NSF: variants seen among roughly 807,000 people sequenced by gnomAD.
NSF encodes vesicle-fusing ATPase.
In NSF, 14 loss-of-function variants were observed where a neutral mutation model predicts 50.3. The ratio of observed to expected loss-of-function variants is 0.28; its 90% CI spans 0.18 to 0.44. The LOEUF (loss-of-function observed/expected upper bound fraction) is 0.44. Ranked by LOEUF, NSF falls within the 20% of genes least tolerant of loss-of-function variation. The pLI is 1.00. For synonymous variants in NSF, 109 were observed against 175.7 expected, an observed-to-expected ratio of 0.62 and a Z score of 3.00; for missense variants, 218 against 504.3, an observed-to-expected ratio of 0.43 and a Z score of 5.44.
At chr17:46,727,867 A>G (rs2058907121) in intron 16 of NSF, among the ~76,000 whole-genome samples, 1 of 152,236 alleles carries the variant, frequency 6.6e-6, no homozygotes, top group South Asian at 2.1e-4. Flanking sequence ...TTCAATAAGC[A>G]CTTGCTGAGC....
At chr17:46,661,383 T>TATG (rs1440450747) in intron 8 of NSF, among the ~76,000 whole-genome samples, 2 of 94,468 alleles carry the variant, frequency 2.1e-5, no homozygotes, top group Non-Finnish European at 3.6e-5. Context: ...TTCTTTTTAT[T>TATG]ATTATTATTA....
chr17:46,720,517 C>T (rs1402138193), intron 15 of NSF, among the ~76,000 whole-genome samples: 3 of 152,158 alleles, frequency 2.0e-5, no homozygotes, highest in African/African-American at 7.2e-5. Context: ...AGGTCCACTT[C>T]CTGAGGCAGT....
At chr17:46,655,971 C>T (rs1474542715) in intron 8 of NSF, among the ~76,000 whole-genome samples, 1 of 79,162 alleles carries the variant, frequency 1.3e-5, no homozygotes, top group African/African-American at 6.2e-5. Flanking sequence ...CATAAAATAA[C>T]TTGAAGAAAA....
chr17:46,708,885 C>T (rs1473738364), intron 13 of NSF, among the ~76,000 whole-genome samples: 24 of 136,190 alleles, frequency 1.8e-4, no homozygotes, highest in African/African-American at 5.4e-4. Flanking sequence ...AGTGCAGTGG[C>T]GCAATTTTGG....
At chr17:46,752,753 G>A (rs2146343772) in intron 19 of NSF, among the ~76,000 whole-genome samples, 1 of 152,130 alleles carries the variant, frequency 6.6e-6, no homozygotes, top group Admixed American at 6.5e-5. Context: ...ACTATGCCTG[G>A]CCCTCGGTAA....
At chr17:46,709,755 A>G (rs1038066674) in intron 13 of NSF, among the ~76,000 whole-genome samples, 9 of 152,160 alleles carry the variant, frequency 5.9e-5, no homozygotes, top group Non-Finnish European at 1.0e-4. Flanking sequence ...TCAGCCTCCC[A>G]AAGTGCTGGG....
At chr17:46,705,371 TA>T (rs1168425777) in intron 13 of NSF, among the ~76,000 whole-genome samples, 7 of 151,802 alleles carry the variant, frequency 4.6e-5, no homozygotes, top group Non-Finnish European at 8.8e-5. Flanking sequence ...TTCTAAGACT[TA>T]AAAAGTGTCA....
intron 17 of NSF, among the ~76,000 whole-genome samples, chr17:46,733,491 T>C (rs1268714174): frequency 6.6e-6 from 1 of 152,224 alleles, no homozygotes; most frequent in African/African-American, 2.4e-5. Context: ...TTTGACACTT[T>C]TGTGCATCAA....
chr17:46,743,476 T>C (rs1237593131), intron 17 of NSF, among the ~76,000 whole-genome samples: 1 of 152,198 alleles, frequency 6.6e-6, no homozygotes, highest in Non-Finnish European at 1.5e-5. Flanking sequence ...CGCATATTTA[T>C]GGTTGAGGAG....
intron 9 of NSF, among the ~76,000 whole-genome samples, chr17:46,678,997 A>G (rs1484688822): frequency 6.6e-6 from 1 of 151,644 alleles, no homozygotes; most frequent in Non-Finnish European, 1.5e-5. Context: ...AATCTCACAA[A>G]TAAATTATTG....
intron 5 of NSF, among the ~76,000 whole-genome samples, chr17:46,638,993 A>G (rs2146168153): frequency 6.3e-5 from 1 of 15,960 alleles, no homozygotes; most frequent in Non-Finnish European, 1.1e-4. Context: ...CTGTCATAGA[A>G]CTTACTTTCT....
Position 46,719,352 on chromosome 17 carries a change from G to C in NSF, c.1761+5366G>C, listed in dbSNP as rs187334764. The stretch of plus-strand genomic sequence containing the variant: ...GAGTTTTAGTAGAGAGGGCTGTTAG[G>C]CTTGCTTTAATGAGTACATGAGATT... On this transcript the variant is annotated intron_variant, in intron 15 of 20. Coordinates refer to ENST00000398238, the MANE Select transcript of NSF (RefSeq NM_006178.4). This position sits in a 1 kb window ranked among gnomAD's most constrained non-coding sequence, Gnocchi z 4.3. 4.6e-5 allele frequency among the ~76,000 whole-genome samples: 7 copies of C among 152,254 alleles called. No individual in the cohort carries two copies. The highest frequency in any genetic ancestry group is 1.3e-4 in the Admixed American group (2 of 15,300).
At chr17:46,747,382 G>A (rs967005262) in intron 17 of NSF, among the ~76,000 whole-genome samples, 5 of 152,270 alleles carry the variant, frequency 3.3e-5, no homozygotes, top group Middle Eastern at 3.4e-3. Context: ...CTTGGCTCAA[G>A]CGATCTGCTC....
chr17:46,739,558 T>C (rs1033743770), intron 17 of NSF, among the ~76,000 whole-genome samples: 2 of 150,964 alleles, frequency 1.3e-5, no homozygotes, highest in Admixed American at 1.3e-4. Flanking sequence ...CACAAAAACA[T>C]AAAACTGGGC....
Position 46,708,822 on chromosome 17 carries a change from ATT to A in NSF, c.1471-2121_1471-2120del, listed in dbSNP as rs386627394. Among the ~76,000 whole-genome samples, 60 of 108,826 alleles carry A rather than the reference ATT, an allele frequency of 5.5e-4. No individual in the cohort carries two copies. In the East Asian group the frequency reaches 6.3e-3, roughly 11 times the overall value. The allele number at this position is 108,826 out of a possible 152,430, so 71.4% of individuals were successfully genotyped here. A position where few individuals can be genotyped will look rare whatever the true frequency, so the allele number is the denominator to read the frequency against. On this transcript the variant is annotated intron_variant, in intron 13 of 20. Coordinates refer to ENST00000398238, the MANE Select transcript of NSF (RefSeq NM_006178.4). Reference sequence around the variant, plus strand: ...ATTTATTTTATATATATATATATATATTTTTTTTTTTTTTTTTTTTTGAGACT... The same window carrying A: ...ATTTATTTTATATATATATATATATATTTTTTTTTTTTTTTTTTTGAGACT...
At chr17:46,750,563 G>A (rs1010339254) in intron 18 of NSF, among the ~76,000 whole-genome samples, 4 of 152,164 alleles carry the variant, frequency 2.6e-5, no homozygotes, top group Non-Finnish European at 5.9e-5. Flanking sequence ...TACTCAACCT[G>A]TACCTCCAGT....
intron 13 of NSF, among the ~76,000 whole-genome samples, chr17:46,710,192 T>C (rs2058705211): frequency 6.6e-6 from 1 of 152,218 alleles, no homozygotes; most frequent in Non-Finnish European, 1.5e-5. Flanking sequence ...ATGTAGTAGG[T>C]TATGTTTTCC....
rs72628336 is a variant in NSF, at chr17:46,739,989, T to C, written c.1909-9784T>C. ...TGCTGGGATTACAGGCCTGGCCTGA[T>C]TTTAAAAGAAATTAGAATAATACTT... On this transcript the variant is annotated intron_variant, in intron 17 of 20. Transcript: ENST00000398238. Among the ~76,000 whole-genome samples the C allele has an allele frequency of 8.1e-3, 1,237 of 152,284 alleles. 85 individuals carry two copies. In the East Asian group the frequency reaches 0.17, roughly 20 times the overall value.
intron 16 of NSF, 57 bp from the exon 17 acceptor site, chr17:46,728,798 G>T: frequency 7.8e-5 from 79 of 1,018,094 alleles, no homozygotes; most frequent in South Asian, 1.0e-4. Flanking sequence ...AAAACTGAAT[G>T]TTTGGAATAT....
Sources: allele counts gnomAD v4.1 joint callset (sites outside exome capture counted in the v4.1 genomes callset), GRCh38; gene constraint gnomAD v4.1.1; non-coding constraint Gnocchi (gnomAD v3.1); transcripts MANE v1.5; gene names NCBI Gene and HGNC (gene_info 2026-07-23, HGNC 2026-07-21).